The following PCNT variants were observed in gnomAD, a reference collection of about 807,000 sequenced individuals.
PCNT encodes the protein kendrin.
In PCNT, 319 loss-of-function variants were observed where a neutral mutation model predicts 380.4. That is an observed-to-expected ratio of 0.84 (90% CI 0.77 to 0.92). The LOEUF is 0.92. Among genes scored for constraint, PCNT ranks in the 40% least tolerant of loss-of-function variants. The pLI, the probability that PCNT is intolerant of heterozygous loss-of-function variation, is 0.00. For missense variants in PCNT, 4,400 were observed against 4,255.3 expected (o/e 1.03, Z -0.95); for synonymous variants, 1,845 against 1,735.2 (o/e 1.06, Z -1.57).
intron 13 of PCNT, 147 bp from the exon 14 acceptor site, chr21:46,363,333 A>G (rs2084783981): frequency 1.4e-6 from 1 of 700,182 alleles, no homozygotes; most frequent in Non-Finnish European, 2.5e-6. Context: ...TGTCATCAAC[A>G]TGAGAATCAT....
Position 46,346,125 on chromosome 21 carries a change from C to T in PCNT, c.640-3C>T, listed in dbSNP as rs776125638. 3 of 1,613,830 alleles carry T rather than the reference C, an allele frequency of 1.9e-6. No homozygotes were observed. Among genetic ancestry groups the T allele is most frequent in the East Asian group, 2.2e-5 (1 of 44,890 alleles). On this transcript the variant is annotated splice_region_variant and splice_polypyrimidine_tract_variant and intron_variant, in intron 3 of 46. Coordinates refer to ENST00000359568, the MANE Select transcript of PCNT (RefSeq NM_006031.6). Reference sequence around the variant, plus strand: ...ACCTACATTCTTTGCCTTTTTTCCCCAGGAGTGTGAACAAGAATGTGAACT... The same window carrying T: ...ACCTACATTCTTTGCCTTTTTTCCCTAGGAGTGTGAACAAGAATGTGAACT...
Position 46,353,199 on chromosome 21 carries a change from C to G in PCNT, c.1552C>G (p.Gln518Glu), listed in dbSNP as rs1017321130. Reference sequence around the variant, plus strand: ...AACCCAGCATGAGTCCGAACTGGAGCAACTGAGGATTTATTTTGAAAAGAA... The same window carrying G: ...AACCCAGCATGAGTCCGAACTGGAGGAACTGAGGATTTATTTTGAAAAGAA... ...EKTQHESELE[Q>E]LRIYFEKKLR... The change falls in exon 10 of 47, where the codon CAA becomes GAA. Residue 518 changes from glutamine (Q) to glutamate (E), a missense_variant. Physicochemically the swap from Gln to Glu is conservative, Grantham distance 29. Transcript: ENST00000359568. 1.2e-6 allele frequency: 2 copies of G among 1,614,082 alleles called. No individual in the cohort carries two copies. The highest frequency in any genetic ancestry group is 1.3e-5 in the African/African-American group (1 of 75,040).
chr21:46,339,092 A>G (rs1478948054), intron 3 of PCNT, among the ~76,000 whole-genome samples: 2 of 150,812 alleles, frequency 1.3e-5, no homozygotes, highest in East Asian at 2.0e-4. Context: ...TAATTTTTGT[A>G]TTTTTAGTAG....
At chr21:46,391,137 G>T (rs2086016422) in intron 20 of PCNT, 27 bp from the exon 21 acceptor site, 1 of 1,553,406 alleles carries the variant, frequency 6.4e-7, no homozygotes, top group Non-Finnish European at 8.7e-7. Context: ...GACTGGCTTT[G>T]TCAGAGCATC....
intron 13 of PCNT, among the ~76,000 whole-genome samples, chr21:46,363,038 G>T (rs994632439): frequency 6.6e-6 from 1 of 152,184 alleles, no homozygotes; most frequent in Non-Finnish European, 1.5e-5. Flanking sequence ...GGCTGCTCTT[G>T]CCTCCTGGGC....
chr21:46,415,287 T>C (rs796517374), intron 29 of PCNT, among the ~76,000 whole-genome samples: 31 of 151,316 alleles, frequency 2.0e-4, no homozygotes, highest in African/African-American at 7.3e-4. Context: ...TCTCGGGAAA[T>C]ACATCCTGTG....
In PCNT at chr21:46,430,017, G is replaced by C. The variant is rs1310571087; in HGVS notation, c.7698G>C (p.Leu2566=). The change falls in exon 36 of 47, where the codon CTG becomes CTC. Residue 2566 remains leucine (L), a synonymous_variant. Transcript: ENST00000359568. ...QEHQLRRQVE[L]LAYKVEQEKC... ...TTCTTTTGTCTTTCTCAGTTGAACT[G>C]CTGGCTTATAAAGTAGAGCAGGAGA... 2 of 1,613,924 alleles carry C rather than the reference G, an allele frequency of 1.2e-6. No individual in the cohort carries two copies. Among genetic ancestry groups the C allele is most frequent in the Non-Finnish European group, 1.7e-6 (2 of 1,179,892 alleles).
Position 46,351,472 on chromosome 21 carries a change from C to G in PCNT, c.1388C>G (p.Ser463Ter), listed in dbSNP as rs770995623. 4 of 1,613,292 alleles carry G rather than the reference C, an allele frequency of 2.5e-6. No homozygotes were observed. Among genetic ancestry groups the G allele is most frequent in the Non-Finnish European group, 3.4e-6 (4 of 1,179,362 alleles). ...QASYEDLKAQSQEEIRRLWSQ... is the reference protein window; with the variant it reads ...QASYEDLKAQ ...TCATATGAAGACCTGAAGGCACAAT[C>G]ACAAGAAGAGATCAGGCGCTTGTGG... The change falls in exon 9 of 47, where the codon TCA becomes TGA. Residue 463 changes from serine (S) to a stop codon, truncating the protein, a stop_gained. Transcript: ENST00000359568. LOFTEE classifies it high-confidence loss of function.
intron 1 of PCNT, 64 bp from the exon 2 acceptor site, chr21:46,326,313 T>C (rs1193218866): frequency 1.3e-6 from 2 of 1,504,258 alleles, no homozygotes; most frequent in Non-Finnish European, 1.8e-6. Flanking sequence ...CTGTTGACTT[T>C]GTGGTTCTGT....
At chr21:46,342,643 T>G (rs2083942651) in intron 3 of PCNT, among the ~76,000 whole-genome samples, 2 of 151,842 alleles carry the variant, frequency 1.3e-5, no homozygotes, top group Admixed American at 1.3e-4. Flanking sequence ...CGGGTTCAAG[T>G]GATTCTTCTA....
intron 3 of PCNT, among the ~76,000 whole-genome samples, chr21:46,344,967 G>C (rs1253067489): frequency 6.6e-6 from 1 of 152,218 alleles, no homozygotes; most frequent in African/African-American, 2.4e-5. Flanking sequence ...TGTGACTGTG[G>C]TGGCACTGAG....
intron 10 of PCNT, among the ~76,000 whole-genome samples, 172 bp from the exon 11 acceptor site, chr21:46,353,815 C>T (rs573791506): frequency 2.6e-5 from 4 of 151,826 alleles, no homozygotes; most frequent in Admixed American, 6.6e-5. Context: ...GTCCCTGTGC[C>T]GTGTCTCTGG....
In PCNT at chr21:46,438,247, G is replaced by A. The variant is rs747455040; in HGVS notation, c.9183G>A (p.Thr3061=). Reference sequence around the variant, plus strand: ...TTTCCCTCACAAAAGCGCTCAGCACGGTGACCCAGGAGAAGCTGGAGCTGA... The same window carrying A: ...TTTCCCTCACAAAAGCGCTCAGCACAGTGACCCAGGAGAAGCTGGAGCTGA... ...DNVSLTKALS[T]VTQEKLELSR... The change falls in exon 41 of 47, where the codon ACG becomes ACA. Residue 3061 remains threonine, a synonymous_variant. Transcript: ENST00000359568. 20 of 1,614,026 alleles carry A rather than the reference G, an allele frequency of 1.2e-5. No homozygotes were observed. Among genetic ancestry groups the A allele is most frequent in the East Asian group, 6.7e-5 (3 of 44,904 alleles).
At position 46,357,156 on chromosome 21, in the gene PCNT, C is replaced by G. The variant is rs2084508666; in HGVS notation, c.2119C>G (p.Gln707Glu). Residue 707 changes from glutamine (Q) to glutamate (E), a missense_variant, in exon 13 of 47, where the codon CAG (glutamine) becomes GAG (glutamate). Transcript: ENST00000359568. ...AAATAGAAATTTGTATGGGAAGTTG[C>G]AGCATGAAACTCGTCTGAAGGACGA... ...IENRNLYGKLQHETRLKDDLE... is the reference protein window; with the variant it reads ...IENRNLYGKLEHETRLKDDLE... The G allele has an allele frequency of 1.9e-6, 3 of 1,613,704 alleles. No homozygotes were observed. The highest frequency in any genetic ancestry group is 2.5e-6 in the Non-Finnish European group (3 of 1,179,590).
chr21:46,402,647 A>T (rs746936575), intron 27 of PCNT, among the ~76,000 whole-genome samples, 164 bp downstream of exon 27: 4 of 152,196 alleles, frequency 2.6e-5, no homozygotes, highest in African/African-American at 4.8e-5. Flanking sequence ...GCCTGGGGAC[A>T]TGTGCATGGA....
chr21:46,347,392 G>A (rs2084107878), intron 5 of PCNT, 65 bp from the exon 6 acceptor site: 1 of 1,538,958 alleles, frequency 6.5e-7, no homozygotes, highest in Non-Finnish European at 9.0e-7. Flanking sequence ...GTCGTTTCCT[G>A]GGCAGTTGGG....
At chr21:46,402,554 C>A in intron 27 of PCNT, 71 bp downstream of exon 27, 1 of 1,533,752 alleles carries the variant, frequency 6.5e-7, no homozygotes, top group Non-Finnish European at 9.0e-7. Flanking sequence ...GCCACCAAGA[C>A]CCTCATCGGG....
chr21:46,360,344 T>C (rs1330013238), intron 13 of PCNT, among the ~76,000 whole-genome samples: 1 of 146,308 alleles, frequency 6.8e-6, no homozygotes, highest in Non-Finnish European at 1.5e-5. Flanking sequence ...TGGCTCAGCC[T>C]CTCCGAGTAG....
chr21:46,350,942 G>A (rs2146616484), intron 8 of PCNT, among the ~76,000 whole-genome samples: 1 of 152,342 alleles, frequency 6.6e-6, no homozygotes, highest in East Asian at 1.9e-4. Context: ...CTGGGCTCTT[G>A]CTGATTGTAC....
Sources: gnomAD v4.1 joint callset for allele counts (sites outside exome capture counted in the v4.1 genomes callset) on GRCh38, gnomAD v4.1.1 for gene constraint, MANE v1.5 for transcripts, NCBI Gene and HGNC (gene_info 2026-07-23, HGNC 2026-07-21) for gene names.